The following GPC6 variants were observed in gnomAD, a reference collection of about 807,000 sequenced individuals.
GPC6 encodes the protein glypican-6.
GPC6 carries 14 observed loss-of-function variants against 55.2 expected under a neutral mutation model. The ratio of observed to expected loss-of-function variants is 0.25; its 90% CI spans 0.17 to 0.40. GPC6 has a LOEUF of 0.40. Ranked by LOEUF, GPC6 falls within the 10% of genes least tolerant of loss-of-function variation. The probability of loss-of-function intolerance (pLI) is 1.00; values close to 1 mark genes in which losing one functional copy is unlikely to be tolerated. For missense variants in GPC6, 641 were observed against 708.5 expected, an observed-to-expected ratio of 0.90 and a Z score of 1.08; for synonymous variants, 278 against 259.6, an observed-to-expected ratio of 1.07 and a Z score of -0.68.
At chr13:94,169,571 G>A (rs915025551) in intron 4 of GPC6, among the ~76,000 whole-genome samples, 2 of 152,134 alleles carry the variant, frequency 1.3e-5, no homozygotes, top group Non-Finnish European at 2.9e-5. Flanking sequence ...AACATACCGA[G>A]CCAGAAATAA....
At chr13:93,563,099 T>C (rs1222947445) in intron 2 of GPC6, among the ~76,000 whole-genome samples, 1 of 152,210 alleles carries the variant, frequency 6.6e-6, no homozygotes, top group Non-Finnish European at 1.5e-5. Context: ...CTGGAGTCTC[T>C]AGTGGGTAGA....
intron 4 of GPC6, among the ~76,000 whole-genome samples, chr13:94,162,505 G>A (rs1001924896): frequency 2.0e-5 from 3 of 152,316 alleles, no homozygotes; most frequent in African/African-American, 7.2e-5. Flanking sequence ...GGGCTTGAGT[G>A]TGTTGTTGGC....
At chr13:94,216,149 C>A (rs1890220925) in intron 4 of GPC6, among the ~76,000 whole-genome samples, 1 of 152,184 alleles carries the variant, frequency 6.6e-6, no homozygotes, top group South Asian at 2.1e-4. Flanking sequence ...TCATTGTATT[C>A]ATTTCTCTCT....
intron 4 of GPC6, among the ~76,000 whole-genome samples, chr13:94,145,288 C>T (rs1566462962): frequency 6.6e-6 from 1 of 152,084 alleles, no homozygotes. Flanking sequence ...CATTTGTTGT[C>T]ATTATTTTTT....
chr13:93,495,302 C>T (rs1308167741), intron 1 of GPC6, among the ~76,000 whole-genome samples: 8 of 151,102 alleles, frequency 5.3e-5, no homozygotes, highest in Admixed American at 4.0e-4. Context: ...ACCCTTTCCT[C>T]CAGTTGATCG....
intron 3 of GPC6, among the ~76,000 whole-genome samples, chr13:93,932,551 C>G (rs892677833): frequency 1.3e-5 from 2 of 152,048 alleles, no homozygotes; most frequent in Admixed American, 1.3e-4. Context: ...TATCTATGTT[C>G]TACATCTTCA....
At chr13:93,409,994 C>G (rs1876436502) in intron 1 of GPC6, among the ~76,000 whole-genome samples, 1 of 152,292 alleles carries the variant, frequency 6.6e-6, no homozygotes, top group Non-Finnish European at 1.5e-5. Flanking sequence ...AAGAAACTTG[C>G]TGTATTAGGT....
intron 3 of GPC6, among the ~76,000 whole-genome samples, chr13:93,959,600 C>T (rs1183027029): frequency 6.6e-6 from 1 of 152,130 alleles, no homozygotes; most frequent in Non-Finnish European, 1.5e-5. Flanking sequence ...AATAAATGCT[C>T]CTACCTTTGG....
intron 3 of GPC6, among the ~76,000 whole-genome samples, chr13:93,882,937 T>C (rs1360119578): frequency 6.6e-6 from 1 of 152,232 alleles, no homozygotes; most frequent in Non-Finnish European, 1.5e-5. Flanking sequence ...GGCAAACTTC[T>C]AAGAAACGTC....
At chr13:94,111,498 A>ATAG (rs1886247445) in intron 4 of GPC6, among the ~76,000 whole-genome samples, 1 of 148,736 alleles carries the variant, frequency 6.7e-6, no homozygotes, top group Admixed American at 6.7e-5. Context: ...AATAATAATA[A>ATAG]TAATAATAAT....
intron 6 of GPC6, among the ~76,000 whole-genome samples, chr13:94,369,786 G>A (rs1389754984): frequency 6.6e-6 from 1 of 152,066 alleles, no homozygotes; most frequent in Admixed American, 6.5e-5. Flanking sequence ...AGGAAAATGA[G>A]TTTTGGTGTT....
intron 2 of GPC6, among the ~76,000 whole-genome samples, chr13:93,779,369 G>A (rs918793212): frequency 1.3e-5 from 2 of 152,106 alleles, no homozygotes; most frequent in African/African-American, 2.4e-5. Context: ...AATGAAGTTT[G>A]TTCCTTCAAC....
At chr13:94,033,835 T>A (rs1883227417) in intron 4 of GPC6, among the ~76,000 whole-genome samples, 1 of 152,184 alleles carries the variant, frequency 6.6e-6, no homozygotes, top group African/African-American at 2.4e-5. Flanking sequence ...CAGCAAACTT[T>A]CAAGGCTTCT....
At chr13:94,392,809 C>T (rs1880715095) in intron 7 of GPC6, among the ~76,000 whole-genome samples, 1 of 142,490 alleles carries the variant, frequency 7.0e-6, no homozygotes, top group South Asian at 2.4e-4. Flanking sequence ...TCAGGTGATC[C>T]ACCCTCTTGG....
chr13:94,043,400 CA>C (rs1178241671), intron 4 of GPC6, among the ~76,000 whole-genome samples: 1 of 151,660 alleles, frequency 6.6e-6, no homozygotes, highest in South Asian at 2.1e-4. Context: ...TTTCAACTTA[CA>C]AAAAAGTTTC....
chr13:93,654,767 C>T (rs1202493099), intron 2 of GPC6, among the ~76,000 whole-genome samples: 1 of 151,962 alleles, frequency 6.6e-6, no homozygotes, highest in Non-Finnish European at 1.5e-5. Flanking sequence ...CTTTTATTTT[C>T]CAGTGGAGCC....
intron 4 of GPC6, among the ~76,000 whole-genome samples, chr13:94,147,771 A>T (rs138782839): frequency 6.6e-6 from 1 of 152,092 alleles, no homozygotes; most frequent in Non-Finnish European, 1.5e-5. Flanking sequence ...GCCCTTCCAC[A>T]TGTGTTCTAA....
chr13:93,494,700 C>G (rs1240986031), intron 1 of GPC6, among the ~76,000 whole-genome samples: 2 of 151,940 alleles, frequency 1.3e-5, no homozygotes, highest in Non-Finnish European at 2.9e-5. Context: ...CCTTCAGGAG[C>G]TCTTTCAGGG....
chr13:93,493,946 T>C (rs1453078519), intron 1 of GPC6, among the ~76,000 whole-genome samples: 1 of 118,302 alleles, frequency 8.5e-6, no homozygotes, highest in Non-Finnish European at 1.8e-5. Flanking sequence ...CTTCCAACTC[T>C]GTGGTCAATT....
Sources: gnomAD v4.1 joint callset for allele counts (sites outside exome capture counted in the v4.1 genomes callset) on GRCh38, gnomAD v4.1.1 for gene constraint, MANE v1.5 for transcripts, NCBI Gene and HGNC (gene_info 2026-07-23, HGNC 2026-07-21) for gene names.